The following PCP2 variants were observed in gnomAD, a reference collection of about 807,000 sequenced individuals.
The protein encoded by PCP2 is Purkinje cell protein 2.
A neutral mutation model predicts 18.3 loss-of-function variants in PCP2; 21 were observed. The ratio of observed to expected loss-of-function variants is 1.14; its 90% CI spans 0.81 to 1.65. The LOEUF (loss-of-function observed/expected upper bound fraction) is 1.65, where lower values mean the gene tolerates loss of function less well. PCP2 is among the 40% of genes most tolerant of loss of function. PCP2 has a pLI of 0.00. For missense variants in PCP2, 202 were observed against 201.8 expected, an observed-to-expected ratio of 1.00 and a Z score of 0.00; for synonymous variants, 85 against 77.6, an observed-to-expected ratio of 1.10 and a Z score of -0.50.
chr19:7,631,769 G>A lies in PCP2; in HGVS notation c.331C>T (p.Pro111Ser), dbSNP rs141611388. 2.5e-5 allele frequency: 35 copies of A among 1,421,704 alleles called. No homozygotes were observed. The highest frequency in any genetic ancestry group is 3.0e-5 in the Non-Finnish European group (32 of 1,083,898). 88.1% of individuals were successfully genotyped at this position (1,421,704 alleles called of 1,614,324 possible). ...QKRAGTLSPQ[P>S]LLTPQDPTAL... ...GTCGGGTCCTGAGGGGTGAGCAGGG[G>A]TTGGGGACTGAGGGTCCCAGCTCGT... is the stretch of plus-strand genomic sequence containing the variant. The change falls in exon 4 of 4, where the codon CCC (proline) becomes TCC (serine). Residue 111 changes from proline to serine, a missense_variant. Coordinates refer to ENST00000311069, the MANE Select transcript of PCP2 (RefSeq NM_174895.3).
rs750662323 is a variant in PCP2, at chr19:7,631,662, G to A, written c.*27C>T. The A allele has an allele frequency of 1.5e-5, 22 of 1,467,082 alleles. No individual in the cohort carries two copies. Among genetic ancestry groups the A allele is most frequent in the Admixed American group, 4.5e-5 (2 of 44,544 alleles). The allele number at this position is 1,467,082 out of a possible 1,614,324, so 90.9% of individuals were successfully genotyped here. A position where few individuals can be genotyped will look rare whatever the true frequency, so the allele number is the denominator to read the frequency against. ...ATTCTTTTATCAGTTTTTGGGGGCC[G>A]AGTGAGACCCAGGATGCCTCAGGCC... is the stretch of plus-strand genomic sequence containing the variant. On this transcript the variant is annotated 3_prime_UTR_variant, in exon 4 of 4. Coordinates refer to ENST00000311069, the MANE Select transcript of PCP2 (RefSeq NM_174895.3).
At position 7,632,118 on chromosome 19, in the gene PCP2, G is replaced by A; in HGVS notation, c.291+275C>T. 1 of 574,422 alleles carries A rather than the reference G, an allele frequency of 1.7e-6. No individual in the cohort carries two copies. Among genetic ancestry groups the A allele is most frequent in the Non-Finnish European group, 3.0e-6 (1 of 330,504 alleles). The allele number at this position is 574,422 out of a possible 1,614,324, so 35.6% of individuals were successfully genotyped here. On this transcript the variant is annotated intron_variant, in intron 3 of 3. Coordinates refer to ENST00000311069, the MANE Select transcript of PCP2 (RefSeq NM_174895.3). This position sits in a 1 kb window ranked among gnomAD's most constrained non-coding sequence, Gnocchi z 5.2. ...CTTCCTCCCTGGGATACTTTCCTAG[G>A]AAGGGGTCCTATTTTCTCCCTTTGG...
rs764657445 is a variant in PCP2, at chr19:7,632,370, G to A, written c.291+23C>T. On this transcript the variant is annotated intron_variant, in intron 3 of 3. Coordinates refer to ENST00000311069, the MANE Select transcript of PCP2 (RefSeq NM_174895.3). This position sits in a 1 kb window ranked among gnomAD's most constrained non-coding sequence, Gnocchi z 5.2. The stretch of plus-strand genomic sequence containing the variant: ...AGCACTGCCTGGCGGGTTTCTCCTC[G>A]ACATCGCCAGAACATCACCTACCTT... 5.1e-5 allele frequency: 82 copies of A among 1,612,854 alleles called. 1 individual carries two copies. The Admixed American group carries it at 7.5e-4, about 15-fold the overall frequency.
chr19:7,634,677 T>A (rs182756209), upstream of PCP2, among the ~76,000 whole-genome samples: 2,982 of 143,528 alleles, frequency 0.021, 103 homozygotes, highest in African/African-American at 0.067. Context: ...GCCTTTAAAA[T>A]TTTTTTTTAA....
intron 3 of PCP2, 25 bp from the exon 4 acceptor site, chr19:7,631,833 G>C (rs779216093): frequency 1.4e-6 from 2 of 1,384,558 alleles, no homozygotes; most frequent in Non-Finnish European, 1.9e-6. Context: ...GGGTCAGCCA[G>C]GGGGAGGGCT....
In PCP2 at chr19:7,631,720, C is replaced by A; in HGVS notation, c.380G>T (p.Ser127Ile). Reference protein sequence around the residue: ...DPTALGFRRNSSPQPPTQAP With the variant: ...DPTALGFRRNISPQPPTQAP ...GGCTTGTGTCGGGGGCTGGGGGCTG[C>A]TGTTCCGACGGAAGCCGAGAGCGGT... Residue 127 changes from serine to isoleucine, a missense_variant, in exon 4 of 4, where the codon AGC (serine) becomes ATC (isoleucine). Ser to Ile is a moderately radical substitution (Grantham distance 142). Transcript: ENST00000311069. 1.4e-6 allele frequency: 2 copies of A among 1,447,838 alleles called. No individual in the cohort carries two copies. The highest frequency in any genetic ancestry group is 9.1e-7 in the Non-Finnish European group (1 of 1,098,544). The allele number at this position is 1,447,838 out of a possible 1,614,324, so 89.7% of individuals were successfully genotyped here.
chr19:7,632,400 C>T lies in PCP2; in HGVS notation c.284G>A (p.Gly95Glu). 4.3e-6 allele frequency: 7 copies of T among 1,613,928 alleles called. No individual in the cohort carries two copies. The highest frequency in any genetic ancestry group is 4.2e-6 in the Non-Finnish European group (5 of 1,179,946). ...VSSLPGFQPV[G>E]SKDGAQKRAG... The stretch of plus-strand genomic sequence containing the variant: ...CGCCAGAACATCACCTACCTTGGAC[C>T]CCACGGGCTGGAAGCCGGGCAGGCT... The change falls in exon 3 of 4, where the codon GGG (glycine) becomes GAG (glutamate). Residue 95 changes from glycine (G) to glutamate (E), a missense_variant. Coordinates refer to ENST00000311069, the MANE Select transcript of PCP2 (RefSeq NM_174895.3). The surrounding 1 kb of genome is among the most constrained non-coding windows in gnomAD (Gnocchi z 5.2).
chr19:7,632,242 A>G lies in PCP2; in HGVS notation c.291+151T>C. 8.0e-7 allele frequency: 1 copy of G among 1,245,136 alleles called. No individual in the cohort carries two copies. The highest frequency in any genetic ancestry group is 1.4e-5 in the South Asian group (1 of 69,666). The allele number at this position is 1,245,136 out of a possible 1,614,324, so 77.1% of individuals were successfully genotyped here. On this transcript the variant is annotated intron_variant, in intron 3 of 3. Transcript: ENST00000311069. The surrounding 1 kb of genome is among the most constrained non-coding windows in gnomAD (Gnocchi z 5.2). Reference sequence around the variant, plus strand: ...TGTATAACCTTGGGCCCCTCTAGCCACTGCCTGGGCCTTGGTCCTCCCATC... The same window carrying G: ...TGTATAACCTTGGGCCCCTCTAGCCGCTGCCTGGGCCTTGGTCCTCCCATC...
chr19:7,635,969 C>G (rs924364466), upstream of PCP2, among the ~76,000 whole-genome samples: 1 of 152,160 alleles, frequency 6.6e-6, no homozygotes, highest in Admixed American at 6.5e-5. Context: ...CCTGGACATG[C>G]TGTGTGGCTG....
chr19:7,636,902 A>G (rs114987636), upstream of PCP2: 1,812 of 390,230 alleles, frequency 4.6e-3, 27 homozygotes, highest in African/African-American at 0.031. Flanking sequence ...CTGAACTCCC[A>G]TCTGTGAGCG....
Position 7,632,948 on chromosome 19 carries a change from C to T in PCP2, c.52-118G>A. The T allele has an allele frequency of 6.7e-7, 1 of 1,482,596 alleles. No homozygotes were observed. Among genetic ancestry groups the T allele is most frequent in the Non-Finnish European group, 8.9e-7 (1 of 1,118,982 alleles). 91.8% of individuals were successfully genotyped at this position (1,482,596 alleles called of 1,614,324 possible). ...GCCTGCCGTCCCCACTTCCTCAGCTCTCACCATGGTCCCCGCCGATCCTCT... is the reference window on the plus strand; with the variant it reads ...GCCTGCCGTCCCCACTTCCTCAGCTTTCACCATGGTCCCCGCCGATCCTCT... On this transcript the variant is annotated intron_variant, in intron 1 of 3. Transcript: ENST00000311069. This position sits in a 1 kb window ranked among gnomAD's most constrained non-coding sequence, Gnocchi z 5.2.
In PCP2 at chr19:7,633,388, G is replaced by A. The variant is rs1263934563; in HGVS notation, c.51+19C>T. The stretch of plus-strand genomic sequence containing the variant: ...TGAGACCTTGAGCTGGGGGTGGGGT[G>A]GGGGCAGGGCCCTCTCACCTCGGCA... On this transcript the variant is annotated intron_variant, in intron 1 of 3. Transcript: ENST00000311069. The A allele has an allele frequency of 4.5e-6, 7 of 1,562,046 alleles. No individual in the cohort carries two copies. In the Admixed American group the frequency reaches 7.6e-5, roughly 17 times the overall value.
At position 7,632,500 on chromosome 19, in the gene PCP2, CG is replaced by C. The variant is rs761710991; in HGVS notation, c.183del (p.Glu62ArgfsTer22). 1.2e-6 allele frequency: 2 copies of C among 1,613,480 alleles called. No individual in the cohort carries two copies. Among genetic ancestry groups the C allele is most frequent in the Admixed American group, 1.7e-5 (1 of 60,008 alleles). On this transcript the variant is annotated frameshift_variant, in exon 3 of 4. Coordinates refer to ENST00000311069, the MANE Select transcript of PCP2 (RefSeq NM_174895.3). LOFTEE classifies it high-confidence loss of function. The surrounding 1 kb of genome is among the most constrained non-coding windows in gnomAD (Gnocchi z 5.2). ...QTTKSQSDPTPEMDSLMDMLA... is the reference protein window; with the variant it reads ...QTTKSQSDPTXEMDSLMDMLA... The stretch of plus-strand genomic sequence containing the variant: ...AGCATGTCCATGAGGCTGTCCATCT[CG>C]GGGGTGGGGTCGCTCTCTGCGTGGA...
At chr19:7,635,205 C>G (rs2031479516), upstream of PCP2, among the ~76,000 whole-genome samples, 1 of 152,178 alleles carries the variant, frequency 6.6e-6, no homozygotes, top group African/African-American at 2.4e-5. Flanking sequence ...CCCCCAGGAT[C>G]TGGAGGGTTC....
In PCP2 at chr19:7,632,034, T is replaced by A; in HGVS notation, c.292-226A>T. 2.0e-6 allele frequency: 1 copy of A among 490,396 alleles called. No homozygotes were observed. The highest frequency in any genetic ancestry group is 3.5e-6 in the Non-Finnish European group (1 of 284,556). 30.4% of individuals were successfully genotyped at this position (490,396 alleles called of 1,614,324 possible). A position where few individuals can be genotyped will look rare whatever the true frequency, so the allele number is the denominator to read the frequency against. The stretch of plus-strand genomic sequence containing the variant: ...GATCAGAACCCAAGCTTCGTGTATG[T>A]GTGAAGTCAACAGATGTGAGTATAC... On this transcript the variant is annotated intron_variant, in intron 3 of 3. Coordinates refer to ENST00000311069, the MANE Select transcript of PCP2 (RefSeq NM_174895.3). The surrounding 1 kb of genome is among the most constrained non-coding windows in gnomAD (Gnocchi z 5.2).
At position 7,633,668 on chromosome 19, in the gene PCP2, AGG is replaced by A. The variant is rs1204951425; in HGVS notation, c.-213_-212del. The A allele has an allele frequency of 1.7e-6, 1 of 577,086 alleles. No individual in the cohort carries two copies. Among genetic ancestry groups the A allele is most frequent in the African/African-American group, 1.9e-5 (1 of 52,504 alleles). The allele number at this position is 577,086 out of a possible 1,614,324, so 35.7% of individuals were successfully genotyped here. A position where few individuals can be genotyped will look rare whatever the true frequency, so the allele number is the denominator to read the frequency against. On this transcript the variant is annotated 5_prime_UTR_variant, in exon 1 of 4. Transcript: ENST00000311069. ...CGATGCTGGATCTGGCATGGTGGGT[AGG>A]GGGCAGGGCGACCTGAGCTTGGACC...
At position 7,632,521 on chromosome 19, in the gene PCP2, C is replaced by T. The variant is rs762319170; in HGVS notation, c.167-4G>A. ...ATCTCGGGGGTGGGGTCGCTCTCTG[C>T]GTGGACGTTCACAGACTTGGGAGGA... On this transcript the variant is annotated splice_polypyrimidine_tract_variant and splice_region_variant and intron_variant, in intron 2 of 3. Coordinates refer to ENST00000311069, the MANE Select transcript of PCP2 (RefSeq NM_174895.3). The surrounding 1 kb of genome is among the most constrained non-coding windows in gnomAD (Gnocchi z 5.2). 46 of 1,612,456 alleles carry T rather than the reference C, an allele frequency of 2.9e-5. No individual in the cohort carries two copies. In the African/African-American group the frequency reaches 4.0e-4, roughly 14 times the overall value.
rs867786550 is a variant in PCP2, at chr19:7,632,733, C to T, written c.149G>A (p.Gly50Asp). 1 of 1,560,852 alleles carries T rather than the reference C, an allele frequency of 6.4e-7. No homozygotes were observed. Among genetic ancestry groups the T allele is most frequent in the Admixed American group, 1.9e-5 (1 of 53,736 alleles). The part of the protein sequence containing the change: ...GQRCSLQAGP[G>D]QTTKSQSDPT... Reference sequence around the variant, plus strand: ...ATGCTCACGGCTCTTGGTGGTCTGGCCCGGCCCGGCTTGCAGTGAACAGCG... The same window carrying T: ...ATGCTCACGGCTCTTGGTGGTCTGGTCCGGCCCGGCTTGCAGTGAACAGCG... Residue 50 changes from glycine to aspartate, a missense_variant, in exon 2 of 4, where the codon GGC (glycine) becomes GAC (aspartate). Coordinates refer to ENST00000311069, the MANE Select transcript of PCP2 (RefSeq NM_174895.3). The surrounding 1 kb of genome is among the most constrained non-coding windows in gnomAD (Gnocchi z 5.2).
chr19:7,634,918 C>A (rs11260005), upstream of PCP2, among the ~76,000 whole-genome samples: 8 of 151,974 alleles, frequency 5.3e-5, no homozygotes, highest in South Asian at 1.7e-3. Flanking sequence ...ACCCATTTCC[C>A]CACCCCCCCA....
Sources: gnomAD v4.1 joint callset for allele counts (sites outside exome capture counted in the v4.1 genomes callset) on GRCh38, gnomAD v4.1.1 for gene constraint, Gnocchi (gnomAD v3.1) non-coding constraint, MANE v1.5 for transcripts, NCBI Gene and HGNC (gene_info 2026-07-23, HGNC 2026-07-21) for gene names.